KANK1: variants seen among roughly 807,000 people sequenced by gnomAD.
The protein encoded by KANK1 is KN motif and ankyrin repeat domain-containing protein 1.
A neutral mutation model predicts 106.2 loss-of-function variants in KANK1; 109 were observed. That is an observed-to-expected ratio of 1.03 (90% CI 0.88 to 1.20). The LOEUF (loss-of-function observed/expected upper bound fraction) is 1.20, where lower values mean the gene tolerates loss of function less well. Ranked by LOEUF, KANK1 falls within the 50% of genes most tolerant of loss-of-function variation. KANK1 has a pLI of 0.00. For synonymous variants in KANK1, 873 were observed against 652.2 expected (o/e 1.34, Z -5.16); for missense variants, 2,399 against 1,710.7 (o/e 1.40, Z -7.10).
chr9:644,600 C>G (rs1391751316), intron 1 of KANK1, among the ~76,000 whole-genome samples: 8 of 150,526 alleles, frequency 5.3e-5, no homozygotes, highest in African/African-American at 1.5e-4. Flanking sequence ...CACAGTAATT[C>G]ACTGACTCAC....
chr9:549,916 C>T (rs552925916), intron 1 of KANK1, among the ~76,000 whole-genome samples: 10 of 152,064 alleles, frequency 6.6e-5, no homozygotes, highest in South Asian at 2.1e-4. Flanking sequence ...GGGGGTGGCA[C>T]GCACAAAGTC....
chr9:735,791 C>T (rs191239405), intron 7 of KANK1: 10 of 398,654 alleles, frequency 2.5e-5, no homozygotes, highest in Non-Finnish European at 3.7e-5. Flanking sequence ...GTCTGGAGTT[C>T]GAGACGAGCT....
At chr9:478,810 CAAGTG>C (rs531204400) in intron 3 of KANK1, among the ~76,000 whole-genome samples, 31 of 152,254 alleles carry the variant, frequency 2.0e-4, no homozygotes, top group African/African-American at 7.2e-4. Context: ...TTACAGAAAA[CAAGTG>C]AAGCCACATT....
At chr9:706,079 C>T (rs948025310) in intron 2 of KANK1, among the ~76,000 whole-genome samples, 6 of 152,020 alleles carry the variant, frequency 3.9e-5, no homozygotes, top group African/African-American at 1.2e-4. Flanking sequence ...AAAATAATGA[C>T]ACCGGGTAGT....
chr9:549,148 A>C (rs1470098208), intron 1 of KANK1: 1 of 150,620 alleles, frequency 6.6e-6, no homozygotes, highest in Non-Finnish European at 1.5e-5. Flanking sequence ...TCAGCTTTTC[A>C]CCTTCTCTGA....
chr9:547,140 A>G (rs2060981761), intron 1 of KANK1, among the ~76,000 whole-genome samples: 1 of 152,214 alleles, frequency 6.6e-6, no homozygotes, highest in Non-Finnish European at 1.5e-5. Flanking sequence ...CTCACATTGC[A>G]GCACGAGAGT....
chr9:647,059 C>A (rs1409869041), intron 1 of KANK1, among the ~76,000 whole-genome samples: 1 of 151,038 alleles, frequency 6.6e-6, no homozygotes, highest in African/African-American at 2.5e-5. Flanking sequence ...AGTTACTAGG[C>A]CTTCCAGAAG....
intron 3 of KANK1, among the ~76,000 whole-genome samples, chr9:484,652 C>G (rs987227509): frequency 6.6e-6 from 1 of 151,900 alleles, no homozygotes; most frequent in African/African-American, 2.4e-5. Flanking sequence ...TATAAAGTGA[C>G]CAAAAAGAAA....
chr9:483,479 CT>C (rs1322182509), intron 3 of KANK1, among the ~76,000 whole-genome samples: 5 of 152,162 alleles, frequency 3.3e-5, no homozygotes, highest in Non-Finnish European at 7.3e-5. Context: ...GGCTTGGGGT[CT>C]GATTTCTGTT....
At chr9:516,725 T>G (rs2059293738) in intron 1 of KANK1, among the ~76,000 whole-genome samples, 1 of 151,686 alleles carries the variant, frequency 6.6e-6, no homozygotes, top group South Asian at 2.1e-4. Flanking sequence ...TTCATAGGCA[T>G]TCAAAAATAC....
chr9:711,655 G>T lies in KANK1; in HGVS notation c.889G>T (p.Glu297Ter). The change falls in exon 3 of 12, where the codon GAG becomes TAG. Residue 297 changes from glutamate (E) to a stop codon, truncating the protein, a stop_gained. Coordinates refer to ENST00000382297, the MANE Select transcript of KANK1 (RefSeq NM_015158.5). LOFTEE classifies it high-confidence loss of function. ...LQVKISVLQE[E>*]KRQLVSQLKN... Reference sequence around the variant, plus strand: ...GGTAAAGATCTCTGTCTTGCAAGAAGAGAAAAGGCAGTTGGTCTCACAGCT... The same window carrying T: ...GGTAAAGATCTCTGTCTTGCAAGAATAGAAAAGGCAGTTGGTCTCACAGCT... 6.2e-7 allele frequency: 1 copy of T among 1,614,202 alleles called. No individual in the cohort carries two copies.
In KANK1 at chr9:735,918, C is replaced by T. The variant is rs1332906969; in HGVS notation, c.3333+1083C>T. 2.1e-5 allele frequency: 5 copies of T among 241,086 alleles called. No individual in the cohort carries two copies. In the East Asian group the frequency reaches 3.7e-4, roughly 18 times the overall value. The allele number at this position is 241,086 out of a possible 1,614,324, so 14.9% of individuals were successfully genotyped here. ...TCTGAGGCTGGAGAATTGCTTGCACCCGGGAGGTGGTGGTTGCAGTGAGCC... is the reference window on the plus strand; with the variant it reads ...TCTGAGGCTGGAGAATTGCTTGCACTCGGGAGGTGGTGGTTGCAGTGAGCC... On this transcript the variant is annotated intron_variant, in intron 7 of 11. Coordinates refer to ENST00000382297, the MANE Select transcript of KANK1 (RefSeq NM_015158.5).
At chr9:618,790 A>G (rs1021164572) in intron 1 of KANK1, among the ~76,000 whole-genome samples, 4 of 152,152 alleles carry the variant, frequency 2.6e-5, no homozygotes, top group Non-Finnish European at 5.9e-5. Context: ...GCTCCTGCAC[A>G]CTGGGTGAAC....
rs528965130 is a variant in KANK1, at chr9:731,151, T to C, written c.2897-7T>C. 6 of 1,562,644 alleles carry C rather than the reference T, an allele frequency of 3.8e-6. No individual in the cohort carries two copies. In the African/African-American group the frequency reaches 8.1e-5, roughly 21 times the overall value. On this transcript the variant is annotated splice_polypyrimidine_tract_variant and splice_region_variant and intron_variant, in intron 4 of 11. Coordinates refer to ENST00000382297, the MANE Select transcript of KANK1 (RefSeq NM_015158.5). ...TTTTCATTTTTATTGCCTTGACTTT[T>C]TCACAGCATGTACAAACAATGAAAG...
intron 2 of KANK1, among the ~76,000 whole-genome samples, chr9:694,221 C>G (rs1234227442): frequency 6.6e-6 from 1 of 152,162 alleles, no homozygotes; most frequent in Admixed American, 6.5e-5. Flanking sequence ...CTTTCCACTA[C>G]CACCCCACCT....
chr9:552,251 T>A (rs2061327233), intron 1 of KANK1, among the ~76,000 whole-genome samples: 1 of 152,086 alleles, frequency 6.6e-6, no homozygotes, highest in African/African-American at 2.4e-5. Flanking sequence ...CTGGCCTGCT[T>A]GTGTGATTAC....
intron 1 of KANK1, among the ~76,000 whole-genome samples, chr9:639,609 G>C (rs113445774): frequency 3.9e-5 from 6 of 152,112 alleles, no homozygotes; most frequent in Non-Finnish European, 8.8e-5. Context: ...GAGCCACTGC[G>C]CCTGGCCTGA....
intron 1 of KANK1, among the ~76,000 whole-genome samples, chr9:652,784 A>G (rs1018839740): frequency 3.3e-5 from 5 of 152,228 alleles, no homozygotes; most frequent in African/African-American, 1.2e-4. Flanking sequence ...TAGTAGTAGA[A>G]TTACGGCTGA....
At chr9:542,454 T>G (rs928638261) in intron 1 of KANK1, among the ~76,000 whole-genome samples, 1 of 152,246 alleles carries the variant, frequency 6.6e-6, no homozygotes. Flanking sequence ...TCTTAGACTG[T>G]TGATGAGAAT....
Sources: allele counts gnomAD v4.1 joint callset (sites outside exome capture counted in the v4.1 genomes callset), GRCh38; gene constraint gnomAD v4.1.1; transcripts MANE v1.5; gene names NCBI Gene and HGNC (gene_info 2026-07-23, HGNC 2026-07-21).